The following ANKS1B variants were observed in gnomAD, a reference collection of about 807,000 sequenced individuals.
ANKS1B encodes the protein ankyrin repeat and sterile alpha motif domain containing 1B.
Under a neutral mutation model 148.3 loss-of-function variants are expected in ANKS1B, and 36 were observed. The observed-to-expected ratio is 0.24, with a 90% confidence interval of 0.19 to 0.32. The LOEUF is 0.32. Among genes scored for constraint, ANKS1B ranks in the 10% least tolerant of loss-of-function variants. The probability of loss-of-function intolerance (pLI) is 1.00; values close to 1 mark genes in which losing one functional copy is unlikely to be tolerated. For synonymous variants in ANKS1B, 542 were observed against 560.8 expected (o/e 0.97, Z 0.47); for missense variants, 1,157 against 1,542.6 (o/e 0.75, Z 4.19).
At chr12:99,105,498 TG>T (rs1301685035) in intron 15 of ANKS1B, among the ~76,000 whole-genome samples, 4 of 152,114 alleles carry the variant, frequency 2.6e-5, no homozygotes. Context: ...TCCCTTGCTC[TG>T]GGGCATTTAT....
At chr12:98,901,110 A>G (rs2099771380) in intron 17 of ANKS1B, among the ~76,000 whole-genome samples, 1 of 152,154 alleles carries the variant, frequency 6.6e-6, no homozygotes, top group Admixed American at 6.5e-5. Flanking sequence ...GTGAACCTCT[A>G]TTTTTGCTCG....
chr12:99,660,189 A>C (rs1324945897), intron 8 of ANKS1B, among the ~76,000 whole-genome samples: 4 of 152,290 alleles, frequency 2.6e-5, no homozygotes, highest in Non-Finnish European at 5.9e-5. Flanking sequence ...CATAATGAAA[A>C]ATTATACATG....
chr12:99,147,542 T>C (rs536846120), intron 15 of ANKS1B, among the ~76,000 whole-genome samples: 2 of 152,134 alleles, frequency 1.3e-5, no homozygotes, highest in Non-Finnish European at 2.9e-5. Context: ...CTAAAGCAAA[T>C]GTGTGCTCTA....
At chr12:99,268,195 T>C (rs1225888925) in intron 12 of ANKS1B, among the ~76,000 whole-genome samples, 1 of 152,184 alleles carries the variant, frequency 6.6e-6, no homozygotes, top group Non-Finnish European at 1.5e-5. Flanking sequence ...ATTTAAGAAC[T>C]GGGAGATGTA....
At chr12:98,735,266 G>C in exon 10 of ANKS1B, 1 of 399,386 alleles carries the variant, frequency 2.5e-6, no homozygotes, top group African/African-American at 2.1e-5. Context: ...AAATTACATT[G>C]GACTTCATAT....
intron 9 of ANKS1B, among the ~76,000 whole-genome samples, chr12:99,617,988 T>C (rs957960835): frequency 3.3e-5 from 5 of 152,296 alleles, no homozygotes; most frequent in Admixed American, 3.3e-4. Flanking sequence ...TACCTAGATG[T>C]ACAAAGTCCA....
At chr12:99,270,173 C>G (rs1199169166) in intron 12 of ANKS1B, among the ~76,000 whole-genome samples, 2 of 152,108 alleles carry the variant, frequency 1.3e-5, no homozygotes, top group Non-Finnish European at 2.9e-5. Flanking sequence ...TTAGGCAATC[C>G]TTGACTCTTC....
At chr12:99,276,666 G>T (rs556802935) in intron 12 of ANKS1B, among the ~76,000 whole-genome samples, 1 of 152,204 alleles carries the variant, frequency 6.6e-6, no homozygotes, top group Non-Finnish European at 1.5e-5. Context: ...GTGATATTTT[G>T]TTATGGCAGC....
intron 10 of ANKS1B, among the ~76,000 whole-genome samples, chr12:99,467,420 T>C (rs575698281): frequency 1.3e-5 from 2 of 152,296 alleles, no homozygotes; most frequent in Admixed American, 1.3e-4. Context: ...TTCAACATAG[T>C]GTTGGAAGTT....
intron 9 of ANKS1B, among the ~76,000 whole-genome samples, chr12:99,592,885 C>A (rs186321751): frequency 1.0e-3 from 154 of 152,122 alleles, no homozygotes; most frequent in African/African-American, 3.5e-3. Flanking sequence ...AAAGGTGGGA[C>A]AACTCAAGGG....
chr12:99,576,150 A>T (rs1236954327), intron 9 of ANKS1B, among the ~76,000 whole-genome samples: 2 of 152,140 alleles, frequency 1.3e-5, no homozygotes, highest in Admixed American at 1.3e-4. Context: ...AAAGGGACAA[A>T]GAATGGCATT....
intron 12 of ANKS1B, among the ~76,000 whole-genome samples, chr12:99,348,303 A>G (rs1345307064): frequency 6.6e-6 from 1 of 151,850 alleles, no homozygotes; most frequent in African/African-American, 2.4e-5. Flanking sequence ...GTATTTCTAC[A>G]TTTTGGCTCA....
At position 99,067,810 on chromosome 12, in the gene ANKS1B, C is replaced by T. The variant is rs2044862826; in HGVS notation, c.2626-14501G>A. On this transcript the variant is annotated intron_variant, in intron 16 of 26. Coordinates refer to ENST00000683438, the MANE Select transcript of ANKS1B (RefSeq NM_001352186.2). ...ATTGGAGTGAGAACAGCAGTCACAA[C>T]AAAAAATAGCTTGATCTTTAGGAAA... 6.6e-5 allele frequency among the ~76,000 whole-genome samples: 10 copies of T among 151,820 alleles called. No individual in the cohort carries two copies. The South Asian group carries it at 2.1e-3, about 32-fold the overall frequency.
chr12:99,479,751 T>G (rs1449386617), intron 10 of ANKS1B, among the ~76,000 whole-genome samples: 1 of 151,864 alleles, frequency 6.6e-6, no homozygotes, highest in Non-Finnish European at 1.5e-5. Context: ...AAAGGCAGAA[T>G]GTTAGTCGAA....
intron 15 of ANKS1B, among the ~76,000 whole-genome samples, chr12:99,119,734 C>A (rs970376908): frequency 6.6e-6 from 1 of 152,158 alleles, no homozygotes; most frequent in South Asian, 2.1e-4. Flanking sequence ...GACTTGAATG[C>A]TTTGCTTTTC....
intron 11 of ANKS1B, among the ~76,000 whole-genome samples, chr12:99,409,931 C>T (rs1303754157): frequency 1.1e-4 from 17 of 152,178 alleles, no homozygotes. Flanking sequence ...CACTTGTGTT[C>T]GTTGTGGCTT....
intron 12 of ANKS1B, among the ~76,000 whole-genome samples, chr12:99,300,159 A>G (rs142612748): frequency 4.7e-4 from 72 of 152,316 alleles, no homozygotes; most frequent in African/African-American, 1.5e-3. Context: ...AATCTGTATT[A>G]AAAGGAGTAA....
chr12:98,915,799 G>A (rs1470619317), intron 17 of ANKS1B, among the ~76,000 whole-genome samples: 1 of 152,188 alleles, frequency 6.6e-6, no homozygotes, highest in Non-Finnish European at 1.5e-5. Context: ...AGAAACTGAA[G>A]GCCAGTGAAG....
intron 1 of ANKS1B, among the ~76,000 whole-genome samples, chr12:99,874,723 G>A (rs748334142): frequency 7.9e-5 from 12 of 152,146 alleles, no homozygotes; most frequent in Admixed American, 1.3e-4. Flanking sequence ...CTCCAGACAG[G>A]CCTGGTGTCA....
Sources: gnomAD v4.1 joint callset for allele counts (sites outside exome capture counted in the v4.1 genomes callset) on GRCh38, gnomAD v4.1.1 for gene constraint, MANE v1.5 for transcripts, NCBI Gene and HGNC (gene_info 2026-07-23, HGNC 2026-07-21) for gene names.